The following ITPK1 variants were observed in gnomAD, a reference collection of about 807,000 sequenced individuals.
ITPK1 encodes inositol 1,3,4-trisphosphate 5/6-kinase.
ITPK1 carries 21 observed loss-of-function variants against 45.3 expected under a neutral mutation model. The observed-to-expected ratio is 0.46, with a 90% CI of 0.33 to 0.67. ITPK1 has a LOEUF of 0.67. Ranked by LOEUF, ITPK1 falls within the 30% of genes least tolerant of loss-of-function variation. The pLI is 0.02. For synonymous variants in ITPK1, 258 were observed against 253.6 expected, an observed-to-expected ratio of 1.02 and a Z score of -0.16; for missense variants, 474 against 573.5, an observed-to-expected ratio of 0.83 and a Z score of 1.77.
chr14:93,077,424 T>C (rs1020731042), intron 2 of ITPK1, among the ~76,000 whole-genome samples: 19 of 152,084 alleles, frequency 1.2e-4, no homozygotes, highest in Non-Finnish European at 2.2e-4. Context: ...TTCAAGCGAT[T>C]CTCCTGCCTC....
rs561768617 is a variant in ITPK1, at chr14:93,031,458, T to C, written c.121-14657A>G. On this transcript the variant is annotated intron_variant, in intron 3 of 10. Transcript: ENST00000267615. ...GCTGTAAGCGCTTCATACATGGCAG[T>C]TGCCATTTTTATGGCCTCATGGAAC... 1.1e-3 allele frequency among the ~76,000 whole-genome samples: 172 copies of C among 152,362 alleles called. 1 individual carries two copies. The highest frequency in any genetic ancestry group is 3.9e-3 in the African/African-American group (163 of 41,590).
chr14:93,111,964 C>T (rs1892773094), intron 2 of ITPK1, among the ~76,000 whole-genome samples: 1 of 152,070 alleles, frequency 6.6e-6, no homozygotes, highest in South Asian at 2.1e-4. Flanking sequence ...GGCGCCTGTC[C>T]CTACCTACGG....
At chr14:93,010,492 G>A (rs1048600472) in intron 4 of ITPK1, among the ~76,000 whole-genome samples, 4 of 152,208 alleles carry the variant, frequency 2.6e-5, no homozygotes, top group South Asian at 2.1e-4. Flanking sequence ...CAAGGGGACC[G>A]AGGCCCAGGT....
intron 10 of ITPK1, among the ~76,000 whole-genome samples, chr14:92,944,433 TC>T (rs1887582562): frequency 6.6e-6 from 1 of 151,934 alleles, no homozygotes; most frequent in Non-Finnish European, 1.5e-5. Flanking sequence ...GGAAGAACCC[TC>T]CCTGTCCACA....
Position 92,958,458 on chromosome 14 carries a change from C to T in ITPK1, c.505-92G>A, listed in dbSNP as rs1047137281. The T allele has an allele frequency of 7.1e-6, 9 of 1,260,964 alleles. No homozygotes were observed. The highest frequency in any genetic ancestry group is 2.7e-5 in the South Asian group (2 of 74,976). The allele number at this position is 1,260,964 out of a possible 1,614,324, so 78.1% of individuals were successfully genotyped here. ...GTGTCACCTGTCCAGAGCACCTCCA[C>T]CAAGGCCCATCCCTGGTCCTGTGGC... On this transcript the variant is annotated intron_variant, in intron 7 of 10. Coordinates refer to ENST00000267615, the MANE Select transcript of ITPK1 (RefSeq NM_014216.6). The surrounding 1 kb of genome is among the most constrained non-coding windows in gnomAD (Gnocchi z 4.4).
At chr14:92,964,468 G>A (rs1885242269) in intron 5 of ITPK1, among the ~76,000 whole-genome samples, 1 of 152,238 alleles carries the variant, frequency 6.6e-6, no homozygotes, top group African/African-American at 2.4e-5. Flanking sequence ...CCCAGGCAGG[G>A]CGGGAATGCT....
intron 2 of ITPK1, among the ~76,000 whole-genome samples, chr14:93,095,257 T>C (rs1892029961): frequency 6.6e-6 from 1 of 152,228 alleles, no homozygotes; most frequent in African/African-American, 2.4e-5. Context: ...TTTGTAGTAA[T>C]TGTAAATAAA....
chr14:92,957,160 G>A (rs1379893021), intron 8 of ITPK1, among the ~76,000 whole-genome samples: 1 of 152,256 alleles, frequency 6.6e-6, no homozygotes, highest in Non-Finnish European at 1.5e-5. Context: ...GGCAGTCCCC[G>A]GAGGAGGGAT....
At chr14:93,088,236 G>A (rs761340511) in intron 2 of ITPK1, among the ~76,000 whole-genome samples, 7 of 152,142 alleles carry the variant, frequency 4.6e-5, no homozygotes, top group Admixed American at 6.5e-5. Flanking sequence ...AGGCAGTGGC[G>A]GGGCAGGATT....
chr14:93,048,265 G>A (rs1287342529), intron 3 of ITPK1, among the ~76,000 whole-genome samples: 2 of 152,174 alleles, frequency 1.3e-5, no homozygotes, highest in Admixed American at 6.5e-5. Context: ...AAGCGCCTTC[G>A]GCCTTCAAAG....
chr14:93,076,489 AAGAG>A lies in ITPK1; in HGVS notation c.120+102_120+105del, dbSNP rs1314482572. On this transcript the variant is annotated intron_variant, in intron 3 of 10. Transcript: ENST00000267615. This position sits in a 1 kb window ranked among gnomAD's most constrained non-coding sequence, Gnocchi z 4.3. ...AGCTAAAAACAAGCTGCACGTGAAG[AAGAG>A]AGAAAGCCGTGCCCAATGCTGGAGG... 4 of 1,295,754 alleles carry A rather than the reference AAGAG, an allele frequency of 3.1e-6. No homozygotes were observed. Among genetic ancestry groups the A allele is most frequent in the South Asian group, 1.2e-5 (1 of 82,938 alleles). The allele number at this position is 1,295,754 out of a possible 1,614,324, so 80.3% of individuals were successfully genotyped here.
chr14:93,006,150 T>C (rs1193334496), intron 4 of ITPK1, among the ~76,000 whole-genome samples: 1 of 152,010 alleles, frequency 6.6e-6, no homozygotes, highest in Admixed American at 6.6e-5. Context: ...CGAGCAGTGG[T>C]GCGCAGGGCA....
intron 4 of ITPK1, among the ~76,000 whole-genome samples, chr14:92,997,701 T>A (rs937202656): frequency 5.9e-5 from 9 of 152,192 alleles, no homozygotes; most frequent in Admixed American, 5.9e-4. Context: ...TGTAAGCACA[T>A]GTTCCCTCGC....
intron 4 of ITPK1, among the ~76,000 whole-genome samples, chr14:93,005,713 C>T (rs1458220276): frequency 6.6e-6 from 1 of 152,188 alleles, no homozygotes; most frequent in Non-Finnish European, 1.5e-5. Flanking sequence ...AACTCAGCAT[C>T]CCGATTCCTA....
At chr14:92,977,544 C>G (rs1385823762) in intron 5 of ITPK1, among the ~76,000 whole-genome samples, 1 of 152,094 alleles carries the variant, frequency 6.6e-6, no homozygotes, top group African/African-American at 2.4e-5. Flanking sequence ...TAATTCCCAG[C>G]ATCGGGGGAG....
chr14:93,005,127 C>T (rs997934739), intron 4 of ITPK1, among the ~76,000 whole-genome samples: 4 of 151,854 alleles, frequency 2.6e-5, no homozygotes, highest in African/African-American at 9.7e-5. Flanking sequence ...CCTGCAAGGC[C>T]ACAGGATGGA....
intron 2 of ITPK1, among the ~76,000 whole-genome samples, chr14:93,098,456 C>CAAAAAAAAAAAAA (rs35436506): frequency 3.5e-5 from 5 of 141,194 alleles, no homozygotes; most frequent in South Asian, 4.4e-4. Flanking sequence ...GATTCCGTCT[C>CAAAAAAAAAAAAA]AAAAAAAAAA....
At chr14:92,952,156 G>A in intron 8 of ITPK1, 143 bp from the exon 9 acceptor site, 1 of 681,624 alleles carries the variant, frequency 1.5e-6, no homozygotes, top group Non-Finnish European at 2.6e-6. Flanking sequence ...CCAGCAAGCT[G>A]GGCACCAGCC....
At chr14:93,035,156 C>A (rs1004449937) in intron 3 of ITPK1, among the ~76,000 whole-genome samples, 4 of 152,226 alleles carry the variant, frequency 2.6e-5, no homozygotes, top group Admixed American at 2.0e-4. Flanking sequence ...ATCTGTGGGA[C>A]CTTGGTCACA....
Sources: allele counts gnomAD v4.1 joint callset (sites outside exome capture counted in the v4.1 genomes callset), GRCh38; gene constraint gnomAD v4.1.1; non-coding constraint Gnocchi (gnomAD v3.1); transcripts MANE v1.5; gene names NCBI Gene and HGNC (gene_info 2026-07-23, HGNC 2026-07-21).